The following PDZRN4 variants were observed in gnomAD, a reference collection of about 807,000 sequenced individuals.
The protein encoded by PDZRN4 is PDZ domain-containing RING finger protein 4.
In PDZRN4, 70 loss-of-function variants were observed where a neutral mutation model predicts 99.0. The ratio of observed to expected loss-of-function variants is 0.71; its 90% CI spans 0.58 to 0.86. The LOEUF is 0.86. Ranked by LOEUF, PDZRN4 falls within the 40% of genes least tolerant of loss-of-function variation. The pLI is 0.00. For missense variants in PDZRN4, 1,474 were observed against 1,331.2 expected (o/e 1.11, Z -1.67); for synonymous variants, 551 against 501.6 (o/e 1.10, Z -1.32).
At chr12:41,446,272 A>G (rs1040659435) in intron 3 of PDZRN4, among the ~76,000 whole-genome samples, 3 of 56,664 alleles carry the variant, frequency 5.3e-5, no homozygotes, top group Non-Finnish European at 1.1e-4. Context: ...TTTATTTTGG[A>G]AACTTGCTCT....
At chr12:41,327,386 G>A (rs1951716643) in intron 3 of PDZRN4, among the ~76,000 whole-genome samples, 2 of 152,134 alleles carry the variant, frequency 1.3e-5, no homozygotes, top group Admixed American at 1.3e-4. Flanking sequence ...TTTTCCCTCT[G>A]TACCTAAGAC....
chr12:41,354,818 T>A (rs765179757), intron 3 of PDZRN4, among the ~76,000 whole-genome samples: 36 of 152,058 alleles, frequency 2.4e-4, no homozygotes, highest in African/African-American at 1.9e-4. Context: ...CACTCCTCCA[T>A]CACATTCCTG....
chr12:41,313,019 T>G (rs188550462), intron 3 of PDZRN4, among the ~76,000 whole-genome samples: 24 of 152,248 alleles, frequency 1.6e-4, no homozygotes, highest in African/African-American at 5.3e-4. Context: ...CTCAGGACAC[T>G]TATTGCCTTA....
intron 3 of PDZRN4, among the ~76,000 whole-genome samples, chr12:41,240,871 T>C (rs1951097422): frequency 1.3e-5 from 2 of 152,172 alleles, no homozygotes; most frequent in South Asian, 2.1e-4. Context: ...TACTATCATC[T>C]TGGGGGTTAG....
At chr12:41,373,203 A>T (rs1952055814) in intron 3 of PDZRN4, among the ~76,000 whole-genome samples, 1 of 147,280 alleles carries the variant, frequency 6.8e-6, no homozygotes, top group African/African-American at 2.4e-5. Context: ...GGACCACAGG[A>T]CCGGGGTGAA....
At chr12:41,491,110 G>A (rs74424364) in intron 3 of PDZRN4, among the ~76,000 whole-genome samples, 68 of 152,210 alleles carry the variant, frequency 4.5e-4, no homozygotes, top group African/African-American at 1.4e-3. Context: ...TAAATTACAC[G>A]TACATACTGC....
intron 3 of PDZRN4, among the ~76,000 whole-genome samples, chr12:41,432,785 G>T (rs1476814874): frequency 2.0e-5 from 3 of 152,194 alleles, no homozygotes; most frequent in African/African-American, 7.2e-5. Context: ...CAATTGGGTG[G>T]ATAGTTTAAT....
At chr12:41,551,032 TG>T (rs1206274498) in intron 5 of PDZRN4, among the ~76,000 whole-genome samples, 1 of 152,208 alleles carries the variant, frequency 6.6e-6, no homozygotes, top group East Asian at 1.9e-4. Flanking sequence ...GAATACTTTT[TG>T]TCTTTGTACA....
rs552689466 is a variant in PDZRN4, at chr12:41,571,942, T to A, written c.1585-422T>A. Among the ~76,000 whole-genome samples, 3 of 152,368 alleles carry A rather than the reference T, an allele frequency of 2.0e-5. No individual in the cohort carries two copies. The South Asian group carries it at 6.2e-4, about 32-fold the overall frequency. ...CTTAAGGGGAAAAACATAAGGTGAT[T>A]GTGGCTTCTGAACATCAGGTCTCCA... On this transcript the variant is annotated intron_variant, in intron 9 of 9. Coordinates refer to ENST00000402685, the MANE Select transcript of PDZRN4 (RefSeq NM_001164595.2).
chr12:41,452,437 T>C (rs1339983370), intron 3 of PDZRN4, among the ~76,000 whole-genome samples: 1 of 133,384 alleles, frequency 7.5e-6, no homozygotes, highest in Non-Finnish European at 1.6e-5. Context: ...AGCCTCCGTC[T>C]AAAAAAAAAA....
chr12:41,449,290 T>C (rs2120495263), intron 3 of PDZRN4, among the ~76,000 whole-genome samples: 1 of 152,296 alleles, frequency 6.6e-6, no homozygotes, highest in Admixed American at 6.5e-5. Context: ...TCTGTCATAA[T>C]ATGTACCAAA....
chr12:41,433,287 A>T (rs1483582503), intron 3 of PDZRN4, among the ~76,000 whole-genome samples: 1 of 152,182 alleles, frequency 6.6e-6, no homozygotes, highest in East Asian at 1.9e-4. Flanking sequence ...CTCTGCAAGA[A>T]AGACAGCTCA....
chr12:41,228,007 A>T (rs1951006259), intron 3 of PDZRN4, among the ~76,000 whole-genome samples: 1 of 152,066 alleles, frequency 6.6e-6, no homozygotes. Flanking sequence ...TTGACTGATT[A>T]TACTATAAAA....
intron 3 of PDZRN4, among the ~76,000 whole-genome samples, chr12:41,389,642 G>A (rs186892161): frequency 7.4e-4 from 112 of 152,272 alleles, no homozygotes; most frequent in African/African-American, 2.7e-3. Context: ...TAGAAATGAA[G>A]TGATTTGAAT....
chr12:41,433,608 G>A (rs181438602), intron 3 of PDZRN4, among the ~76,000 whole-genome samples: 60 of 152,296 alleles, frequency 3.9e-4, no homozygotes, highest in Admixed American at 3.3e-3. Flanking sequence ...TAAAGAGAGG[G>A]TAATCAAGCG....
chr12:41,370,907 T>A (rs1194369777), intron 3 of PDZRN4, among the ~76,000 whole-genome samples: 2 of 151,620 alleles, frequency 1.3e-5, no homozygotes, highest in African/African-American at 4.8e-5. Flanking sequence ...TATTCTGCTT[T>A]TTTCTTATAA....
At chr12:41,561,514 A>G (rs898865659) in intron 7 of PDZRN4, among the ~76,000 whole-genome samples, 1 of 150,492 alleles carries the variant, frequency 6.6e-6, no homozygotes, top group Non-Finnish European at 1.5e-5. Context: ...AACATGAATA[A>G]GTATTTAGAT....
chr12:41,291,402 T>A (rs1951455980), intron 3 of PDZRN4, among the ~76,000 whole-genome samples: 2 of 152,192 alleles, frequency 1.3e-5, no homozygotes, highest in African/African-American at 4.8e-5. Flanking sequence ...GTTTTACCCC[T>A]AATTTCTTAT....
chr12:41,318,742 T>G (rs1230472871), intron 3 of PDZRN4, among the ~76,000 whole-genome samples: 1 of 152,192 alleles, frequency 6.6e-6, no homozygotes, highest in Non-Finnish European at 1.5e-5. Context: ...CACTTCTGTT[T>G]GAGAAATCTA....
Sources: gnomAD v4.1 joint callset for allele counts (sites outside exome capture counted in the v4.1 genomes callset) on GRCh38, gnomAD v4.1.1 for gene constraint, MANE v1.5 for transcripts, NCBI Gene and HGNC (gene_info 2026-07-23, HGNC 2026-07-21) for gene names.